Variants in PTPRK observed in about 807,000 individuals in gnomAD.
The protein encoded by PTPRK is receptor-type tyrosine-protein phosphatase kappa.
Under a neutral mutation model 178.0 loss-of-function variants are expected in PTPRK, and 75 were observed. That is an observed-to-expected ratio of 0.42 (90% CI 0.35 to 0.51). PTPRK has a LOEUF of 0.51. Ranked by LOEUF, PTPRK falls within the 20% of genes least tolerant of loss-of-function variation. The probability of loss-of-function intolerance (pLI) is 0.02; values close to 1 mark genes in which losing one functional copy is unlikely to be tolerated. For missense variants in PTPRK, 1,441 were observed against 1,797.8 expected, an observed-to-expected ratio of 0.80 and a Z score of 3.59; for synonymous variants, 637 against 620.6, an observed-to-expected ratio of 1.03 and a Z score of -0.39.
chr6:128,459,600 C>T (rs1267407218), intron 1 of PTPRK, among the ~76,000 whole-genome samples: 1 of 152,186 alleles, frequency 6.6e-6, no homozygotes, highest in African/African-American at 2.4e-5. Context: ...CAAGAAAATG[C>T]TCATAGTCTG....
intron 7 of PTPRK, among the ~76,000 whole-genome samples, chr6:128,161,327 A>ATT: frequency 6.6e-6 from 1 of 151,762 alleles, no homozygotes; most frequent in Non-Finnish European, 1.5e-5. Flanking sequence ...TGAATTGTCA[A>ATT]TGTGTATTCC....
chr6:128,409,932 T>A (rs932015440), intron 1 of PTPRK, among the ~76,000 whole-genome samples: 2 of 152,198 alleles, frequency 1.3e-5, no homozygotes, highest in African/African-American at 4.8e-5. Flanking sequence ...GGTATGTCTT[T>A]ATCAGCAGCG....
intron 5 of PTPRK, among the ~76,000 whole-genome samples, chr6:128,228,599 G>T (rs1811787633): frequency 6.7e-6 from 1 of 149,726 alleles, no homozygotes; most frequent in East Asian, 2.0e-4. Flanking sequence ...GGCGGAGCTT[G>T]CAGTGAGCGG....
chr6:128,289,786 A>G (rs1402337357), intron 3 of PTPRK, among the ~76,000 whole-genome samples: 1 of 152,154 alleles, frequency 6.6e-6, no homozygotes, highest in African/African-American at 2.4e-5. Flanking sequence ...GAGTTTAAAC[A>G]TGATGCAAAT....
At chr6:128,455,859 G>A (rs1035582836) in intron 1 of PTPRK, among the ~76,000 whole-genome samples, 1 of 152,054 alleles carries the variant, frequency 6.6e-6, no homozygotes, top group African/African-American at 2.4e-5. Flanking sequence ...TAGAAAAAAT[G>A]TCCAGACACA....
intron 2 of PTPRK, among the ~76,000 whole-genome samples, chr6:128,339,144 C>T (rs1277539458): frequency 1.3e-5 from 2 of 151,878 alleles, no homozygotes; most frequent in African/African-American, 4.8e-5. Flanking sequence ...GATTACAAAC[C>T]TTTTTTCAGT....
intron 7 of PTPRK, among the ~76,000 whole-genome samples, chr6:128,181,767 A>G (rs570206418): frequency 6.6e-6 from 1 of 152,250 alleles, no homozygotes; most frequent in Non-Finnish European, 1.5e-5. Flanking sequence ...ATTTGGGGAA[A>G]GGTAAATGGA....
At chr6:128,125,580 AT>A (rs1415191649) in intron 7 of PTPRK, among the ~76,000 whole-genome samples, 5 of 145,082 alleles carry the variant, frequency 3.4e-5, no homozygotes, top group Admixed American at 1.4e-4. Flanking sequence ...GAACAGACTA[AT>A]ACACTTGCCT....
intron 3 of PTPRK, among the ~76,000 whole-genome samples, chr6:128,274,655 A>C (rs1820429183): frequency 1.3e-5 from 2 of 152,104 alleles, no homozygotes; most frequent in Admixed American, 6.6e-5. Context: ...TAAACTTAAA[A>C]GTATTTTTAC....
intron 13 of PTPRK, among the ~76,000 whole-genome samples, chr6:128,036,326 G>T (rs1392546442): frequency 6.6e-6 from 1 of 152,184 alleles, no homozygotes; most frequent in Non-Finnish European, 1.5e-5. Context: ...TGGTCTTATG[G>T]ATAACCAAAT....
intron 6 of PTPRK, among the ~76,000 whole-genome samples, chr6:128,204,806 T>C (rs1040948013): frequency 6.6e-6 from 1 of 152,130 alleles, no homozygotes; most frequent in Non-Finnish European, 1.5e-5. Context: ...GGAATGCTTA[T>C]AAACTGTTGG....
chr6:128,059,040 G>C (rs1208884875), intron 13 of PTPRK, among the ~76,000 whole-genome samples: 1 of 151,928 alleles, frequency 6.6e-6, no homozygotes, highest in Non-Finnish European at 1.5e-5. Context: ...TTATTCTTGT[G>C]CTATTACCAC....
chr6:128,260,293 G>C (rs914421194), intron 3 of PTPRK, among the ~76,000 whole-genome samples: 1 of 152,082 alleles, frequency 6.6e-6, no homozygotes, highest in Non-Finnish European at 1.5e-5. Flanking sequence ...AGTTTGTTTT[G>C]ATGACTGTGA....
intron 7 of PTPRK, among the ~76,000 whole-genome samples, chr6:128,098,006 C>T (rs1438270308): frequency 2.0e-5 from 3 of 152,080 alleles, no homozygotes; most frequent in Non-Finnish European, 2.9e-5. Context: ...GGGGGATTTT[C>T]AATGCCTCCT....
chr6:127,991,236 T>C, intron 20 of PTPRK, 58 bp downstream of exon 20: 1 of 1,335,040 alleles, frequency 7.5e-7, no homozygotes. Context: ...GTGTCTTACA[T>C]GTTGCTTCTC....
chr6:128,163,722 C>A (rs117828162), intron 7 of PTPRK, among the ~76,000 whole-genome samples: 1 of 151,384 alleles, frequency 6.6e-6, no homozygotes, highest in African/African-American at 2.4e-5. Context: ...ACTTTACCAA[C>A]GCATTTAATA....
intron 7 of PTPRK, among the ~76,000 whole-genome samples, chr6:128,097,479 A>T (rs1045214019): frequency 6.6e-6 from 1 of 152,182 alleles, no homozygotes; most frequent in African/African-American, 2.4e-5. Context: ...GTACTACCCA[A>T]GTGACATGGA....
At chr6:128,227,601 A>G (rs1379136221) in intron 5 of PTPRK, among the ~76,000 whole-genome samples, 2 of 152,238 alleles carry the variant, frequency 1.3e-5, no homozygotes, top group East Asian at 3.8e-4. Flanking sequence ...ATAAAAATGA[A>G]TAACTTAAAA....
chr6:128,321,877 T>A, intron 3 of PTPRK, 162 bp downstream of exon 3: 1 of 871,916 alleles, frequency 1.1e-6, no homozygotes, highest in Non-Finnish European at 1.9e-6. Flanking sequence ...TACCATGGGA[T>A]GCATATGTAT....
Sources: allele counts gnomAD v4.1 joint callset (sites outside exome capture counted in the v4.1 genomes callset), GRCh38; gene constraint gnomAD v4.1.1; transcripts MANE v1.5; gene names NCBI Gene and HGNC (gene_info 2026-07-23, HGNC 2026-07-21).